The following MDGA2 variants were observed in gnomAD, a reference collection of about 807,000 sequenced individuals.
MDGA2 encodes MAM domain-containing glycosylphosphatidylinositol anchor protein 2.
Under a neutral mutation model 117.8 loss-of-function variants are expected in MDGA2, and 40 were observed. The ratio of observed to expected loss-of-function variants is 0.34; its 90% CI spans 0.26 to 0.44. The LOEUF (loss-of-function observed/expected upper bound fraction) is 0.44, where lower values mean the gene tolerates loss of function less well. MDGA2 is among the 20% of genes least tolerant of loss of function. MDGA2 has a pLI of 1.00. For missense variants in MDGA2, 1,123 were observed against 1,250.6 expected (o/e 0.90, Z 1.54); for synonymous variants, 452 against 439.0 (o/e 1.03, Z -0.37).
At chr14:47,099,200 G>T (rs1444380716) in intron 5 of MDGA2, among the ~76,000 whole-genome samples, 2 of 151,664 alleles carry the variant, frequency 1.3e-5, no homozygotes, top group Non-Finnish European at 3.0e-5. Context: ...ACCAAAATTT[G>T]CTAGCTTTAA....
intron 1 of MDGA2, among the ~76,000 whole-genome samples, chr14:47,312,959 T>C (rs1293249760): frequency 1.3e-5 from 2 of 149,764 alleles, no homozygotes; most frequent in Admixed American, 1.3e-4. Flanking sequence ...TTTTCTCTAA[T>C]ACAAACTGCT....
intron 1 of MDGA2, among the ~76,000 whole-genome samples, chr14:47,358,883 CT>C (rs1891051744): frequency 6.6e-6 from 1 of 152,144 alleles, no homozygotes. Context: ...AATGTCCATA[CT>C]ATCTAAAGTG....
chr14:47,527,639 A>C lies in MDGA2; in HGVS notation c.280+146878T>G, dbSNP rs577120313. Among the ~76,000 whole-genome samples the C allele has an allele frequency of 1.6e-4, 24 of 152,322 alleles. No individual in the cohort carries two copies. The South Asian group carries it at 5.0e-3, about 32-fold the overall frequency. ...AGGAAACTCTGAAGTCTGGAGCAAGAGAACAGAGTTTCAAGAAGTGGATAT... is the reference window on the plus strand; with the variant it reads ...AGGAAACTCTGAAGTCTGGAGCAAGCGAACAGAGTTTCAAGAAGTGGATAT... On this transcript the variant is annotated intron_variant, in intron 1 of 16. Transcript: ENST00000399232.
intron 1 of MDGA2, among the ~76,000 whole-genome samples, chr14:47,639,614 T>TA (rs945249261): frequency 1.3e-5 from 2 of 152,146 alleles, no homozygotes; most frequent in Admixed American, 1.3e-4. Flanking sequence ...AGATTTCAAA[T>TA]AAAAAATGCT....
chr14:47,026,270 T>C (rs536013078), intron 8 of MDGA2, among the ~76,000 whole-genome samples: 1 of 152,166 alleles, frequency 6.6e-6, no homozygotes. Flanking sequence ...GGAAGTTATG[T>C]CTTTCTCTCA....
intron 8 of MDGA2, among the ~76,000 whole-genome samples, chr14:47,007,368 G>T (rs1414546510): frequency 6.6e-6 from 1 of 151,806 alleles, no homozygotes; most frequent in Non-Finnish European, 1.5e-5. Flanking sequence ...GAGATTTCAT[G>T]TTGGGTGTCC....
intron 1 of MDGA2, among the ~76,000 whole-genome samples, chr14:47,509,790 A>G (rs1362304023): frequency 6.6e-6 from 1 of 152,182 alleles, no homozygotes; most frequent in Admixed American, 6.5e-5. Flanking sequence ...ACTGCCTCCA[A>G]TGTTTGTATT....
At chr14:47,426,698 T>TTATATATA (rs10640741) in intron 1 of MDGA2, among the ~76,000 whole-genome samples, 1 of 146,378 alleles carries the variant, frequency 6.8e-6, no homozygotes, top group African/African-American at 2.5e-5. Flanking sequence ...TATATATCAT[T>TTATATATA]TATATATATA....
intron 10 of MDGA2, among the ~76,000 whole-genome samples, chr14:46,888,283 C>T (rs559610608): frequency 6.6e-6 from 1 of 152,026 alleles, no homozygotes; most frequent in Admixed American, 6.6e-5. Context: ...TATTATTCCA[C>T]TGATTGAACG....
At chr14:46,991,613 A>G (rs979768025) in intron 8 of MDGA2, among the ~76,000 whole-genome samples, 1 of 152,150 alleles carries the variant, frequency 6.6e-6, no homozygotes, top group Non-Finnish European at 1.5e-5. Flanking sequence ...GTCTGTGAGA[A>G]CATTTCCCAA....
At chr14:47,277,579 T>A (rs184629989) in intron 2 of MDGA2, among the ~76,000 whole-genome samples, 2 of 152,312 alleles carry the variant, frequency 1.3e-5, no homozygotes, top group East Asian at 1.9e-4. Context: ...GAAATTTATT[T>A]AATTGAAGAT....
rs547905946 is a variant in MDGA2 at position 46,861,602 on chromosome 14, A to C, written c.2753-6448T>G. ...AATTGTGGCTAGATGTTATTTAAAA[A>C]GGTAAATTTTACTTGTTTGATAAGA... is the stretch of plus-strand genomic sequence containing the variant. On this transcript the variant is annotated intron_variant, in intron 14 of 16. Coordinates refer to ENST00000399232, the MANE Select transcript of MDGA2 (RefSeq NM_001113498.3). Among the ~76,000 whole-genome samples, 16 of 152,092 alleles carry C rather than the reference A, an allele frequency of 1.1e-4. No homozygotes were observed. In the East Asian group the frequency reaches 3.1e-3, roughly 29 times the overall value.
chr14:47,304,693 T>C (rs778453844), intron 1 of MDGA2, among the ~76,000 whole-genome samples: 2 of 152,156 alleles, frequency 1.3e-5, no homozygotes, highest in Non-Finnish European at 2.9e-5. Context: ...AATATCTCCC[T>C]ATGACATTTC....
chr14:47,270,892 C>T (rs987804037), intron 2 of MDGA2, among the ~76,000 whole-genome samples: 1 of 152,092 alleles, frequency 6.6e-6, no homozygotes, highest in Non-Finnish European at 1.5e-5. Flanking sequence ...CTTGTTTACT[C>T]ATGTGATTTC....
rs139191337 is a variant in MDGA2 at position 47,462,798 on chromosome 14, G to A, written c.281-161248C>T. Among the ~76,000 whole-genome samples the A allele has an allele frequency of 2.2e-3, 340 of 152,194 alleles. 3 individuals are homozygous for A. Among genetic ancestry groups the A allele is most frequent in the African/African-American group, 7.6e-3 (317 of 41,532 alleles). On this transcript the variant is annotated intron_variant, in intron 1 of 16. Transcript: ENST00000399232. ...AATAAGTGACATTTTTGCCTAGAAT[G>A]TTTCAAAACTAAATAATTATTTGGA...
intron 1 of MDGA2, among the ~76,000 whole-genome samples, chr14:47,307,359 C>A (rs1488239367): frequency 6.6e-6 from 1 of 152,108 alleles, no homozygotes; most frequent in Admixed American, 6.6e-5. Flanking sequence ...CCTCATTAGC[C>A]TAGTTACATT....
chr14:47,173,815 TA>T (rs1254221135), intron 3 of MDGA2, among the ~76,000 whole-genome samples: 5 of 152,170 alleles, frequency 3.3e-5, no homozygotes, highest in African/African-American at 1.2e-4. Context: ...ACTTTAAATG[TA>T]AATGGACTAA....
chr14:47,135,623 G>C (rs749281229), intron 4 of MDGA2, among the ~76,000 whole-genome samples: 17 of 151,562 alleles, frequency 1.1e-4, no homozygotes, highest in Non-Finnish European at 1.9e-4. Flanking sequence ...TTTTCAGGGG[G>C]TGGGCGGGGT....
At position 46,929,616 on chromosome 14, in the gene MDGA2, TA is replaced by T. The variant is rs1176772980; in HGVS notation, c.2090-9457del. On this transcript the variant is annotated intron_variant, in intron 9 of 16. Coordinates refer to ENST00000399232, the MANE Select transcript of MDGA2 (RefSeq NM_001113498.3). ...GTGTGTGTGTGTATATATATATATATATATATATATATATATATATATATAT... is the reference window on the plus strand; with the variant it reads ...GTGTGTGTGTGTATATATATATATATTATATATATATATATATATATATAT... Among the ~76,000 whole-genome samples, 19 of 21,852 alleles carry T rather than the reference TA, an allele frequency of 8.7e-4. 1 individual carries two copies. Among genetic ancestry groups the T allele is most frequent in the African/African-American group, 2.5e-3 (15 of 6,016 alleles). The allele number at this position is 21,852 out of a possible 152,430, so 14.3% of individuals were successfully genotyped here.
Sources: gnomAD v4.1 joint callset for allele counts (sites outside exome capture counted in the v4.1 genomes callset) on GRCh38, gnomAD v4.1.1 for gene constraint, MANE v1.5 for transcripts, NCBI Gene and HGNC (gene_info 2026-07-23, HGNC 2026-07-21) for gene names.